The following NAA15 variants were observed in gnomAD, a reference collection of about 807,000 sequenced individuals.
The protein encoded by NAA15 is N-alpha-acetyltransferase 15, NatA auxiliary subunit, also known as N-terminal acetyltransferase.
Under a neutral mutation model 114.0 loss-of-function variants are expected in NAA15, and 34 were observed. The ratio of observed to expected loss-of-function variants is 0.30; its 90% CI spans 0.23 to 0.40. NAA15 has a LOEUF of 0.40. Ranked by LOEUF, NAA15 falls within the 10% of genes least tolerant of loss-of-function variation. The pLI, the probability that NAA15 is intolerant of heterozygous loss-of-function variation, is 1.00. For synonymous variants in NAA15, 340 were observed against 338.0 expected (o/e 1.01, Z -0.06); for missense variants, 658 against 1,004.5 (o/e 0.66, Z 4.66).
Position 139,358,558 on chromosome 4 carries a change from A to T in NAA15, c.1257+1003A>T, listed in dbSNP as rs555840113. Among the ~76,000 whole-genome samples the T allele has an allele frequency of 3.1e-3, 478 of 151,892 alleles. 2 individuals are homozygous for T. Among genetic ancestry groups the T allele is most frequent in the African/African-American group, 6.9e-3 (288 of 41,486 alleles). On this transcript the variant is annotated intron_variant, in intron 11 of 19. Coordinates refer to ENST00000296543, the MANE Select transcript of NAA15 (RefSeq NM_057175.5). Reference sequence around the variant, plus strand: ...TAATTTTTTTATTTTTAGATTTTTTAAAAAAATTATACTTTAAGTTCTAGG... The same window carrying T: ...TAATTTTTTTATTTTTAGATTTTTTTAAAAAATTATACTTTAAGTTCTAGG...
At chr4:139,350,859 A>G (rs1371968112) in intron 7 of NAA15, among the ~76,000 whole-genome samples, 1 of 152,160 alleles carries the variant, frequency 6.6e-6, no homozygotes, top group African/African-American at 2.4e-5. Context: ...AAATCAGAGG[A>G]GAGGAGTTAG....
intron 1 of NAA15, among the ~76,000 whole-genome samples, chr4:139,319,097 C>G (rs1472648197): frequency 2.0e-5 from 3 of 152,028 alleles, no homozygotes; most frequent in African/African-American, 4.8e-5. Context: ...GAGACCAGGC[C>G]AGGCTGGCCA....
intron 1 of NAA15, 142 bp downstream of exon 1, chr4:139,301,973 C>A: frequency 2.3e-6 from 2 of 856,746 alleles, no homozygotes; most frequent in Non-Finnish European, 3.5e-6. Flanking sequence ...GAATGCATTG[C>A]TTTGCTCCCT....
intron 1 of NAA15, among the ~76,000 whole-genome samples, chr4:139,321,316 A>G (rs1375704833): frequency 6.6e-6 from 1 of 151,934 alleles, no homozygotes; most frequent in African/African-American, 2.4e-5. Context: ...TCTTAAAAAA[A>G]ATTTATAGCC....
In NAA15 at chr4:139,301,673, C is replaced by G. The variant is rs558647234; in HGVS notation, c.-105C>G. On this transcript the variant is annotated 5_prime_UTR_variant, in exon 1 of 20. In the 5' UTR this introduces an upstream ATG that the reference lacks. Transcript: ENST00000296543. ...CCGAGGCCTGGTGGTGGCGGCGGAT[C>G]GAGATATTCAAGGCTGAAGCAGCTA... 1 of 1,317,114 alleles carries G rather than the reference C, an allele frequency of 7.6e-7. No individual in the cohort carries two copies. The highest frequency in any genetic ancestry group is 1.0e-6 in the Non-Finnish European group (1 of 959,540). The allele number at this position is 1,317,114 out of a possible 1,614,324, so 81.6% of individuals were successfully genotyped here.
In NAA15 at chr4:139,315,001, T is replaced by TGAGGTTAGGTTAGG. The variant is rs1553992509; in HGVS notation, c.54+13170_54+13171insGAGGTTAGGTTAGG. Among the ~76,000 whole-genome samples the TGAGGTTAGGTTAGG allele has an allele frequency of 8.1e-5, 6 of 74,352 alleles. 1 individual carries two copies. The highest frequency in any genetic ancestry group is 4.0e-4 in the African/African-American group (6 of 15,120). 48.8% of individuals were successfully genotyped at this position (74,352 alleles called of 152,430 possible). A position where few individuals can be genotyped will look rare whatever the true frequency, so the allele number is the denominator to read the frequency against. On this transcript the variant is annotated intron_variant, in intron 1 of 19. Coordinates refer to ENST00000296543, the MANE Select transcript of NAA15 (RefSeq NM_057175.5). ...TAGAGAAGCGTTCAGTTCAGTTCAG[T>TGAGGTTAGGTTAGG]TTAGTTTAGGTTAGGTTAGGTTAGG...
At chr4:139,333,558 C>T (rs1005780880) in intron 1 of NAA15, among the ~76,000 whole-genome samples, 7 of 151,808 alleles carry the variant, frequency 4.6e-5, no homozygotes, top group Middle Eastern at 3.2e-3. Context: ...AAAAAGAAAA[C>T]GTTCTTCAGT....
chr4:139,380,009 C>T (rs1288912156), intron 17 of NAA15, among the ~76,000 whole-genome samples: 1 of 152,184 alleles, frequency 6.6e-6, no homozygotes, highest in Non-Finnish European at 1.5e-5. Context: ...CACGCCACTA[C>T]ACTCCAGCCT....
intron 3 of NAA15, among the ~76,000 whole-genome samples, chr4:139,338,059 A>G (rs766808669): frequency 2.6e-5 from 4 of 152,336 alleles, no homozygotes; most frequent in African/African-American, 7.2e-5. Flanking sequence ...CTTGATGGAC[A>G]TAATTTTCTT....
intron 4 of NAA15, among the ~76,000 whole-genome samples, chr4:139,342,568 G>A (rs1747445362): frequency 6.7e-6 from 1 of 148,518 alleles, no homozygotes; most frequent in South Asian, 2.1e-4. Context: ...TCCCGCCTCA[G>A]CCTCCTGAGT....
chr4:139,347,900 C>T (rs531324591), intron 6 of NAA15, among the ~76,000 whole-genome samples: 245 of 151,450 alleles, frequency 1.6e-3, no homozygotes, highest in African/African-American at 5.7e-3. Context: ...GGCGCGGTGG[C>T]GGGCGCCTGT....
intron 14 of NAA15, among the ~76,000 whole-genome samples, chr4:139,367,550 G>GGGAGAACACCCTTAAGTTCTTAGAA: frequency 6.6e-6 from 1 of 152,124 alleles, no homozygotes; most frequent in East Asian, 1.9e-4. Context: ...TTCTATGGAG[G>GGGAGAACACCCTTAAGTTCTTAGAA]GGAGAACACC....
In NAA15 at chr4:139,371,503, A is replaced by G. The variant is rs1371742450; in HGVS notation, c.1947+1099A>G. Among the ~76,000 whole-genome samples, 490 of 118,850 alleles carry G rather than the reference A, an allele frequency of 4.1e-3. 6 individuals are homozygous for G. The highest frequency in any genetic ancestry group is 0.027 in the African/African-American group (468 of 17,332). The allele number at this position is 118,850 out of a possible 152,430, so 78.0% of individuals were successfully genotyped here. On this transcript the variant is annotated intron_variant, in intron 15 of 19. Coordinates refer to ENST00000296543, the MANE Select transcript of NAA15 (RefSeq NM_057175.5). ...AAAAAAAAAAAGAAAAGTAGCACAC[A>G]CACACACACACACACACACACACAC...
At chr4:139,347,822 G>A (rs1047254102) in intron 6 of NAA15, among the ~76,000 whole-genome samples, 2 of 149,088 alleles carry the variant, frequency 1.3e-5, no homozygotes, top group African/African-American at 4.9e-5. Flanking sequence ...CATGAGGTCA[G>A]GAGATCGAGA....
Position 139,376,486 on chromosome 4 carries a change from G to C in NAA15, c.2056+13G>C, listed in dbSNP as rs1748584848. On this transcript the variant is annotated intron_variant, in intron 16 of 19. Transcript: ENST00000296543. Reference sequence around the variant, plus strand: ...TACTTTAGGAAAGGTAGGCAATTAGGGTACAGTGGCCCTGACAAAACTGAT... The same window carrying C: ...TACTTTAGGAAAGGTAGGCAATTAGCGTACAGTGGCCCTGACAAAACTGAT... 6.7e-7 allele frequency: 1 copy of C among 1,490,166 alleles called. No homozygotes were observed. The highest frequency in any genetic ancestry group is 9.4e-7 in the Non-Finnish European group (1 of 1,067,756). The allele number at this position is 1,490,166 out of a possible 1,614,324, so 92.3% of individuals were successfully genotyped here.
At chr4:139,380,373 A>C (rs963344078) in intron 17 of NAA15, among the ~76,000 whole-genome samples, 9 of 152,182 alleles carry the variant, frequency 5.9e-5, no homozygotes, top group African/African-American at 2.2e-4. Flanking sequence ...TTCAAAATGA[A>C]GTATTTTCAA....
chr4:139,385,630 C>T (rs1460851887), intron 18 of NAA15, among the ~76,000 whole-genome samples: 1 of 152,076 alleles, frequency 6.6e-6, no homozygotes, highest in Non-Finnish European at 1.5e-5. Context: ...GCCAATGAGC[C>T]AAAATCTGAC....
intron 15 of NAA15, among the ~76,000 whole-genome samples, chr4:139,373,428 A>G (rs757790519): frequency 6.6e-6 from 1 of 152,194 alleles, no homozygotes; most frequent in Admixed American, 6.5e-5. Flanking sequence ...TTGTTGACCA[A>G]AACATCATTA....
At chr4:139,344,831 A>G (rs921698107) in intron 6 of NAA15, among the ~76,000 whole-genome samples, 6 of 152,208 alleles carry the variant, frequency 3.9e-5, no homozygotes, top group African/African-American at 1.2e-4. Flanking sequence ...CACAGAAAGA[A>G]TATGAGTTCT....
Sources: gnomAD v4.1 joint callset for allele counts (sites outside exome capture counted in the v4.1 genomes callset) on GRCh38, gnomAD v4.1.1 for gene constraint, MANE v1.5 for transcripts, NCBI Gene and HGNC (gene_info 2026-07-23, HGNC 2026-07-21) for gene names.